IQCB1: variants seen among roughly 807,000 people sequenced by gnomAD.
The protein encoded by IQCB1 is IQ calmodulin-binding motif-containing protein 1.
A neutral mutation model predicts 84.4 loss-of-function variants in IQCB1; 56 were observed. The ratio of observed to expected loss-of-function variants is 0.66; its 90% CI spans 0.54 to 0.83. The LOEUF (loss-of-function observed/expected upper bound fraction) is 0.83, where lower values mean the gene tolerates loss of function less well. IQCB1 is among the 40% of genes least tolerant of loss of function. The pLI is 0.00. For missense variants in IQCB1, 629 were observed against 682.1 expected (o/e 0.92, Z 0.87); for synonymous variants, 210 against 234.8 (o/e 0.89, Z 0.96).
In IQCB1 at chr3:121,770,075, T is replaced by C. The variant is rs1182118336; in HGVS notation, c.*270A>G. 2 of 274,816 alleles carry C rather than the reference T, an allele frequency of 7.3e-6. No homozygotes were observed. Among genetic ancestry groups the C allele is most frequent in the Non-Finnish European group, 1.4e-5 (2 of 145,816 alleles). The allele number at this position is 274,816 out of a possible 1,614,324, so 17.0% of individuals were successfully genotyped here. On this transcript the variant is annotated 3_prime_UTR_variant, in exon 15 of 15. Transcript: ENST00000310864. The stretch of plus-strand genomic sequence containing the variant: ...CAGAAGAAACCAAAGAAAAACACAC[T>C]TCATGTAAACAACAGAACACTATGC...
At chr3:121,775,490 G>A (rs1412723895) in intron 13 of IQCB1, among the ~76,000 whole-genome samples, 2 of 152,160 alleles carry the variant, frequency 1.3e-5, no homozygotes, top group East Asian at 1.9e-4. Flanking sequence ...AGGGAACTAA[G>A]GGAGGGATAG....
At chr3:121,790,046 A>G (rs1948896498) in intron 11 of IQCB1, 27 bp downstream of exon 11, 1 of 1,596,166 alleles carries the variant, frequency 6.3e-7, no homozygotes, top group African/African-American at 1.3e-5. Flanking sequence ...ATATTCTTAT[A>G]TTGATAAAGT....
intron 4 of IQCB1, 39 bp downstream of exon 4, chr3:121,828,431 A>T: frequency 2.6e-6 from 4 of 1,558,478 alleles, no homozygotes; most frequent in Non-Finnish European, 3.5e-6. Context: ...ATCAACTACT[A>T]CATCCCTCAA....
chr3:121,814,337 C>T (rs568116528), intron 5 of IQCB1, among the ~76,000 whole-genome samples: 3 of 152,210 alleles, frequency 2.0e-5, no homozygotes, highest in African/African-American at 4.8e-5. Flanking sequence ...AATCGACACC[C>T]TAACATCACA....
chr3:121,790,099 A>C lies in IQCB1; in HGVS notation c.1103T>G (p.Leu368Arg), dbSNP rs1343468429. 2.5e-6 allele frequency: 4 copies of C among 1,613,618 alleles called. No individual in the cohort carries two copies. Among genetic ancestry groups the C allele is most frequent in the Non-Finnish European group, 3.4e-6 (4 of 1,179,644 alleles). ...RAMRLSRELQLSMLEIVHPGQ... is the reference protein window; with the variant it reads ...RAMRLSRELQRSMLEIVHPGQ... ...TGGATGAACTATTTCGAGCATACTC[A>C]GCTGCAATTCTCGGGAAAGTCTCAT... The change falls in exon 11 of 15, where the codon CTG becomes CGG. Residue 368 changes from leucine (L) to arginine (R), a missense_variant. Leu to Arg is a moderately radical substitution (Grantham distance 102, BLOSUM62 -2). Transcript: ENST00000310864.
At chr3:121,815,665 A>G (rs918485825) in intron 5 of IQCB1, among the ~76,000 whole-genome samples, 1 of 152,172 alleles carries the variant, frequency 6.6e-6, no homozygotes, top group Non-Finnish European at 1.5e-5. Context: ...CAATTGCTAC[A>G]AACAGAATAA....
At position 121,799,270 on chromosome 3, in the gene IQCB1, G is replaced by A. The variant is rs1278873318; in HGVS notation, c.692C>T (p.Thr231Ile). ...TTCAGCCATCAACAGTAGGAGTTTT[G>A]TAGCAGTACTTCTTATAACTGGACT... ...TPSPVIRSTATKLLLLMAESH... is the reference protein window; with the variant it reads ...TPSPVIRSTAIKLLLLMAESH... The change falls in exon 8 of 15, where the codon ACA becomes ATA. Residue 231 changes from threonine to isoleucine, a missense_variant. Physicochemically the swap from Thr to Ile is moderately conservative, Grantham distance 89 (BLOSUM62 -1). Coordinates refer to ENST00000310864, the MANE Select transcript of IQCB1 (RefSeq NM_001023570.4). The A allele has an allele frequency of 2.5e-6, 4 of 1,610,246 alleles. No homozygotes were observed. The Admixed American group carries it at 6.7e-5, about 27-fold the overall frequency.
intron 13 of IQCB1, among the ~76,000 whole-genome samples, chr3:121,781,144 T>C (rs6798415): frequency 0.64 from 97,889 of 151,988 alleles, 31,999 homozygotes; most frequent in African/African-American, 0.72. Flanking sequence ...TGGTGAGTTA[T>C]TCCCAAGGCA....
At chr3:121,815,522 C>T (rs141210518) in intron 5 of IQCB1, among the ~76,000 whole-genome samples, 2,242 of 152,248 alleles carry the variant, frequency 0.015, 48 homozygotes, top group African/African-American at 0.051. Flanking sequence ...CGTCTCAGCC[C>T]AAAACCTCCT....
At chr3:121,786,170 C>CAAGAAAAG in intron 12 of IQCB1, among the ~76,000 whole-genome samples, 3 of 72,854 alleles carry the variant, frequency 4.1e-5, no homozygotes, top group Non-Finnish European at 7.6e-5. Flanking sequence ...GATTCTGTCT[C>CAAGAAAAG]AAAAGAAAAG....
chr3:121,822,202 TGC>T (rs1950299070), intron 5 of IQCB1, among the ~76,000 whole-genome samples: 2 of 152,244 alleles, frequency 1.3e-5, no homozygotes, highest in Non-Finnish European at 2.9e-5. Flanking sequence ...GCTTACCAAC[TGC>T]AAATCTCAGG....
At chr3:121,796,660 A>AT (rs923653253) in intron 9 of IQCB1, among the ~76,000 whole-genome samples, 18 of 152,072 alleles carry the variant, frequency 1.2e-4, no homozygotes, top group Middle Eastern at 3.4e-3. Flanking sequence ...ACAATTAGAG[A>AT]TTTTTTTTGG....
intron 13 of IQCB1, among the ~76,000 whole-genome samples, chr3:121,780,644 T>G (rs1948431427): frequency 6.6e-6 from 1 of 152,238 alleles, no homozygotes. Flanking sequence ...TGTGTTCCAG[T>G]GGTTACCAGA....
chr3:121,799,483 C>A (rs1034739844), intron 7 of IQCB1, 109 bp from the exon 8 acceptor site: 1 of 692,402 alleles, frequency 1.4e-6, no homozygotes, highest in South Asian at 1.7e-5. Flanking sequence ...GTGTCCTGAT[C>A]CAAGAATATA....
At chr3:121,777,764 G>C (rs1055501709) in intron 13 of IQCB1, among the ~76,000 whole-genome samples, 1 of 152,044 alleles carries the variant, frequency 6.6e-6, no homozygotes, top group African/African-American at 2.4e-5. Context: ...TGTTGTTTTT[G>C]ACTTTGTAGT....
At chr3:121,817,778 G>A (rs1950127930) in intron 5 of IQCB1, among the ~76,000 whole-genome samples, 1 of 152,080 alleles carries the variant, frequency 6.6e-6, no homozygotes, top group Admixed American at 6.6e-5. Context: ...GGAGACTTTG[G>A]AGGTGTAGAT....
chr3:121,806,193 A>G (rs1949594471), intron 7 of IQCB1, among the ~76,000 whole-genome samples: 1 of 152,118 alleles, frequency 6.6e-6, no homozygotes, highest in Non-Finnish European at 1.5e-5. Context: ...TCATTATTTT[A>G]AAACCTCCAT....
chr3:121,825,042 A>T (rs1186877759), intron 5 of IQCB1, among the ~76,000 whole-genome samples: 1 of 150,090 alleles, frequency 6.7e-6, no homozygotes, highest in Non-Finnish European at 1.5e-5. Context: ...TGTGCAAAAC[A>T]AAGGTTTCTT....
chr3:121,796,588 AT>A, intron 9 of IQCB1, among the ~76,000 whole-genome samples: 1 of 152,174 alleles, frequency 6.6e-6, no homozygotes, highest in Non-Finnish European at 1.5e-5. Flanking sequence ...AGGAAAAGGC[AT>A]TATTGTTGTA....
Sources: allele counts gnomAD v4.1 joint callset (sites outside exome capture counted in the v4.1 genomes callset), GRCh38; gene constraint gnomAD v4.1.1; transcripts MANE v1.5; gene names NCBI Gene and HGNC (gene_info 2026-07-23, HGNC 2026-07-21).